ITGA1: variants seen among roughly 807,000 people sequenced by gnomAD.
ITGA1 encodes integrin subunit alpha 1.
ITGA1 carries 85 observed loss-of-function variants against 145.9 expected under a neutral mutation model. The observed-to-expected ratio is 0.58, with a 90% CI of 0.49 to 0.70. The LOEUF (loss-of-function observed/expected upper bound fraction) is 0.70, where lower values mean the gene tolerates loss of function less well. ITGA1 is among the 30% of genes least tolerant of loss of function. ITGA1 has a pLI of 0.00. For synonymous variants in ITGA1, 520 were observed against 495.3 expected (o/e 1.05, Z -0.66); for missense variants, 1,351 against 1,418.7 (o/e 0.95, Z 0.77).
At chr5:52,941,560 G>C (rs752558157) in intron 26 of ITGA1, among the ~76,000 whole-genome samples, 14 of 152,074 alleles carry the variant, frequency 9.2e-5, no homozygotes, top group Non-Finnish European at 2.1e-4. Flanking sequence ...ATGTTTGTTG[G>C]TCACCTGTAT....
At chr5:52,887,023 C>T (rs970282524) in intron 7 of ITGA1, among the ~76,000 whole-genome samples, 3 of 151,974 alleles carry the variant, frequency 2.0e-5, no homozygotes, top group Non-Finnish European at 2.9e-5. Context: ...GTGATCTGCC[C>T]GCCTCGGCCT....
In ITGA1 at chr5:52,956,669, G is replaced by C. The variant is rs7729947; in HGVS notation, c.*4218G>C. The C allele has an allele frequency of 0.44, 67,072 of 152,052 alleles. 15,176 individuals carry two copies. Among genetic ancestry groups the C allele is most frequent in the Admixed American group, 0.53 (8,111 of 15,278 alleles). The allele number at this position is 152,052 out of a possible 1,614,324, so 9.4% of individuals were successfully genotyped here. A position where few individuals can be genotyped will look rare whatever the true frequency, so the allele number is the denominator to read the frequency against. On this transcript the variant is annotated 3_prime_UTR_variant, in exon 29 of 29. Transcript: ENST00000282588. ...GGGACACTATCAGCAACTACGCCTG[G>C]GGAAGCTAGCAGGATTTAGCTCTTC...
chr5:52,870,998 C>A (rs1437221609), intron 6 of ITGA1, among the ~76,000 whole-genome samples: 1 of 152,196 alleles, frequency 6.6e-6, no homozygotes, highest in African/African-American at 2.4e-5. Flanking sequence ...TTTATCTTCC[C>A]TACCTCTGTC....
At chr5:52,829,805 T>C (rs953829760) in intron 1 of ITGA1, among the ~76,000 whole-genome samples, 1 of 152,168 alleles carries the variant, frequency 6.6e-6, no homozygotes, top group Non-Finnish European at 1.5e-5. Context: ...ATTCCTGGTT[T>C]TTTGTTTTTG....
At chr5:52,912,031 CTACTATATA>C (rs1750558852) in intron 14 of ITGA1, among the ~76,000 whole-genome samples, 1 of 122,734 alleles carries the variant, frequency 8.1e-6, no homozygotes, top group South Asian at 2.7e-4. Context: ...TAGTGTGTAT[CTACTATATA>C]TACTATATAT....
chr5:52,872,070 C>G (rs1387921813), intron 6 of ITGA1, among the ~76,000 whole-genome samples: 3 of 152,106 alleles, frequency 2.0e-5, no homozygotes, highest in Non-Finnish European at 4.4e-5. Flanking sequence ...GTGAAATATA[C>G]TAACGGAACA....
chr5:52,926,732 C>T lies in ITGA1; in HGVS notation c.2614-852C>T, dbSNP rs546395099. Among the ~76,000 whole-genome samples the T allele has an allele frequency of 5.9e-4, 90 of 152,100 alleles. 1 individual carries two copies. Among genetic ancestry groups the T allele is most frequent in the African/African-American group, 2.1e-3 (86 of 41,498 alleles). Reference sequence around the variant, plus strand: ...GTATCCTCCTATGCTGACTTAATGGCCTGGCAGAGAGGCATAGCTAAAAAA... The same window carrying T: ...GTATCCTCCTATGCTGACTTAATGGTCTGGCAGAGAGGCATAGCTAAAAAA... On this transcript the variant is annotated intron_variant, in intron 19 of 28. Coordinates refer to ENST00000282588, the MANE Select transcript of ITGA1 (RefSeq NM_181501.2).
chr5:52,946,838 T>TA (rs1321777259), intron 27 of ITGA1, among the ~76,000 whole-genome samples: 3 of 152,212 alleles, frequency 2.0e-5, no homozygotes, highest in Admixed American at 2.0e-4. Flanking sequence ...AGTGAATACA[T>TA]ATGCAAACAT....
intron 1 of ITGA1, among the ~76,000 whole-genome samples, chr5:52,823,504 C>G (rs1481765012): frequency 6.6e-6 from 1 of 152,200 alleles, no homozygotes; most frequent in Admixed American, 6.5e-5. Flanking sequence ...TGGCACCTAT[C>G]CAAATCATTT....
chr5:52,904,147 G>C (rs929907892), intron 11 of ITGA1: 1 of 152,348 alleles, frequency 6.6e-6, no homozygotes, highest in African/African-American at 2.4e-5. Context: ...GAGCTGGACA[G>C]AGGGTTTATG....
intron 6 of ITGA1, among the ~76,000 whole-genome samples, chr5:52,880,160 A>G (rs575730393): frequency 3.9e-4 from 59 of 152,238 alleles, no homozygotes; most frequent in Admixed American, 9.2e-4. Context: ...AAATAGGGTG[A>G]TTGAAAGAGC....
At chr5:52,868,473 A>G (rs1030454470) in intron 6 of ITGA1, among the ~76,000 whole-genome samples, 1 of 152,228 alleles carries the variant, frequency 6.6e-6, no homozygotes, top group African/African-American at 2.4e-5. Flanking sequence ...AGTTAGAACT[A>G]TAATTAATTT....
chr5:52,915,632 G>C (rs1168502498), intron 15 of ITGA1, 38 bp downstream of exon 15: 1 of 1,608,434 alleles, frequency 6.2e-7, no homozygotes, highest in Non-Finnish European at 8.5e-7. Flanking sequence ...TCTGAGACTG[G>C]GTCACTTGCA....
At chr5:52,895,940 C>T (rs538495764) in intron 9 of ITGA1, among the ~76,000 whole-genome samples, 2 of 152,208 alleles carry the variant, frequency 1.3e-5, no homozygotes, top group African/African-American at 4.8e-5. Context: ...CAACATGTAT[C>T]TTAAGATGAC....
chr5:52,853,617 A>G (rs10513000), intron 2 of ITGA1, among the ~76,000 whole-genome samples: 46,374 of 152,088 alleles, frequency 0.3, 7,861 homozygotes, highest in African/African-American at 0.45. Flanking sequence ...TTCGAAAGAA[A>G]TATAAGTTGA....
chr5:52,908,673 G>T (rs1750448087), intron 12 of ITGA1, among the ~76,000 whole-genome samples: 1 of 152,210 alleles, frequency 6.6e-6, no homozygotes, highest in Non-Finnish European at 1.5e-5. Context: ...GTCAAGCGAT[G>T]AAATCTGTAA....
chr5:52,939,829 C>T lies in ITGA1; in HGVS notation c.3181-11C>T, dbSNP rs1751026659. On this transcript the variant is annotated splice_polypyrimidine_tract_variant and intron_variant, in intron 25 of 28. Coordinates refer to ENST00000282588, the MANE Select transcript of ITGA1 (RefSeq NM_181501.2). ...AAGAATACTGATATGTATCTCTGGA[C>T]ATTTAAACAGGACTGCAATACATGT... is the stretch of plus-strand genomic sequence containing the variant. 6.4e-7 allele frequency: 1 copy of T among 1,556,650 alleles called. No individual in the cohort carries two copies.
intron 9 of ITGA1, 95 bp downstream of exon 9, chr5:52,893,935 T>A: frequency 2.2e-5 from 3 of 136,728 alleles, no homozygotes; most frequent in Non-Finnish European, 3.6e-5. Context: ...TCAGTAATAC[T>A]TTTTTTTTTT....
chr5:52,828,282 G>A (rs759973496), intron 1 of ITGA1, among the ~76,000 whole-genome samples: 12 of 152,096 alleles, frequency 7.9e-5, no homozygotes, highest in Non-Finnish European at 1.6e-4. Flanking sequence ...ATATATGAGA[G>A]TTCCAATTAC....
Sources: gnomAD v4.1 joint callset for allele counts (sites outside exome capture counted in the v4.1 genomes callset) on GRCh38, gnomAD v4.1.1 for gene constraint, MANE v1.5 for transcripts, NCBI Gene and HGNC (gene_info 2026-07-23, HGNC 2026-07-21) for gene names.